The following FBF1 variants were observed in gnomAD, a reference collection of about 807,000 sequenced individuals.
FBF1 encodes Fas binding factor 1.
A neutral mutation model predicts 147.2 loss-of-function variants in FBF1; 119 were observed. The observed-to-expected ratio is 0.81, with a 90% CI of 0.70 to 0.94. FBF1 has a LOEUF of 0.94. Among genes scored for constraint, FBF1 ranks in the 40% least tolerant of loss-of-function variants. The pLI is 0.00. For missense variants in FBF1, 1,449 were observed against 1,500.8 expected, an observed-to-expected ratio of 0.97 and a Z score of 0.57; for synonymous variants, 601 against 609.0, an observed-to-expected ratio of 0.99 and a Z score of 0.19.
chr17:75,929,945 A>ACCACC, intron 7 of FBF1, 52 bp downstream of exon 7: 5 of 650,910 alleles, frequency 7.7e-6, no homozygotes, highest in Non-Finnish European at 1.4e-5. Context: ...AAATATCATG[A>ACCACC]CCCCACCCCA....
rs577764851 is a variant in FBF1 at position 75,921,335 on chromosome 17, G to A, written c.1616-33C>T. On this transcript the variant is annotated intron_variant, in intron 16 of 29. Coordinates refer to ENST00000636174, the MANE Select transcript of FBF1 (RefSeq NM_001319193.2). Reference sequence around the variant, plus strand: ...ATCAACAACAGAGAAATGAACAGGAGGCCCAGGGCACTGGGCCTGCGAGTG... The same window carrying A: ...ATCAACAACAGAGAAATGAACAGGAAGCCCAGGGCACTGGGCCTGCGAGTG... 1.9e-6 allele frequency: 3 copies of A among 1,573,472 alleles called. No homozygotes were observed. In the Admixed American group the frequency reaches 5.6e-5, roughly 30 times the overall value.
At chr17:75,931,968 G>A (rs1228201976) in intron 5 of FBF1, among the ~76,000 whole-genome samples, 2 of 152,174 alleles carry the variant, frequency 1.3e-5, no homozygotes, top group Non-Finnish European at 2.9e-5. Flanking sequence ...AAGAAAATGA[G>A]GGCTCAGAGA....
At chr17:75,935,973 C>T (rs1374062811) in intron 3 of FBF1, among the ~76,000 whole-genome samples, 4 of 150,138 alleles carry the variant, frequency 2.7e-5, no homozygotes, top group Non-Finnish European at 5.9e-5. Context: ...GTCAGGAGTT[C>T]GAGACCAGCC....
intron 13 of FBF1, among the ~76,000 whole-genome samples, chr17:75,924,452 G>A (rs938524628): frequency 3.2e-4 from 49 of 152,194 alleles, no homozygotes; most frequent in African/African-American, 1.2e-3. Context: ...GATGAGAGGG[G>A]CTCCTGGTGC....
chr17:75,935,667 A>G lies in FBF1; in HGVS notation c.38T>C (p.Ile13Thr). Residue 13 changes from isoleucine (I) to threonine (T), a missense_variant, in exon 4 of 30, where the codon ATT becomes ACT. By Grantham distance (89) the Ile-to-Thr change is moderately conservative. Transcript: ENST00000636174. ...TAGAAGGTCACCAAGAAAATCATCAATGGAGCCTGGAACAGAAAAGGGACT... is the reference window on the plus strand; with the variant it reads ...TAGAAGGTCACCAAGAAAATCATCAGTGGAGCCTGGAACAGAAAAGGGACT... ...PKTKKGCKGS[I>T]DDFLGDLLGD... is the part of the protein sequence containing the mutation. 5.9e-6 allele frequency: 9 copies of G among 1,537,024 alleles called. No homozygotes were observed. Among genetic ancestry groups the G allele is most frequent in the Non-Finnish European group, 7.8e-6 (9 of 1,146,814 alleles).
At chr17:75,931,147 C>T (rs1383942528) in intron 6 of FBF1, 82 bp downstream of exon 6, 17 of 1,441,774 alleles carry the variant, frequency 1.2e-5, no homozygotes, top group Admixed American at 6.0e-5. Flanking sequence ...TAAACCCTTC[C>T]GTGGGCAGCC....
Position 75,914,287 on chromosome 17 carries a change from C to T in FBF1, c.2826G>A (p.Glu942=). ...GGAGCTCGCTGGCCCTGATCTTCAG[C>T]TCAGCCTGCTCCTGGAGACAGCGGA... The part of the protein sequence containing the change: ...TLISLAKEQA[E]LKIRASELRA... Residue 942 remains glutamate (E), a synonymous_variant, in exon 26 of 30, where the codon GAG becomes GAA. Coordinates refer to ENST00000636174, the MANE Select transcript of FBF1 (RefSeq NM_001319193.2). 5 of 1,591,118 alleles carry T rather than the reference C, an allele frequency of 3.1e-6. No individual in the cohort carries two copies. The highest frequency in any genetic ancestry group is 4.3e-6 in the Non-Finnish European group (5 of 1,173,458).
At chr17:75,916,701 G>A (rs1230285168) in intron 23 of FBF1, among the ~76,000 whole-genome samples, 1 of 152,216 alleles carries the variant, frequency 6.6e-6, no homozygotes, top group African/African-American at 2.4e-5. Context: ...GGACAAGGAA[G>A]GCTTTGTGGA....
intron 15 of FBF1, among the ~76,000 whole-genome samples, 181 bp from the exon 16 acceptor site, chr17:75,921,741 C>A: frequency 9.5e-6 from 1 of 105,098 alleles, no homozygotes; most frequent in Admixed American, 1.1e-4. Context: ...GCAGGGTGGG[C>A]AGCCTCTAGG....
chr17:75,931,084 G>C, intron 6 of FBF1, 145 bp downstream of exon 6: 1 of 778,576 alleles, frequency 1.3e-6, no homozygotes, highest in Non-Finnish European at 2.1e-6. Context: ...AACAGAGGGA[G>C]ACTCCATCTC....
In FBF1 at chr17:75,909,850, G is replaced by T; in HGVS notation, c.*873C>A. The T allele has an allele frequency of 1.4e-6, 1 of 694,150 alleles. No individual in the cohort carries two copies. The highest frequency in any genetic ancestry group is 1.5e-5 in the South Asian group (1 of 66,896). 43.0% of individuals were successfully genotyped at this position (694,150 alleles called of 1,614,324 possible). A position where few individuals can be genotyped will look rare whatever the true frequency, so the allele number is the denominator to read the frequency against. Reference sequence around the variant, plus strand: ...ATAAGTATAAACTCCGATGAGCCATGGCAAAAGCAGTTTTTTTAAGCTTAG... The same window carrying T: ...ATAAGTATAAACTCCGATGAGCCATTGCAAAAGCAGTTTTTTTAAGCTTAG... On this transcript the variant is annotated 3_prime_UTR_variant, in exon 30 of 30. Coordinates refer to ENST00000636174, the MANE Select transcript of FBF1 (RefSeq NM_001319193.2).
rs371937178 is a variant in FBF1 at position 75,914,710 on chromosome 17, C to G, written c.2814+37G>C. The G allele has an allele frequency of 2.7e-6, 4 of 1,503,256 alleles. No individual in the cohort carries two copies. The African/African-American group carries it at 5.6e-5, about 21-fold the overall frequency. 93.1% of individuals were successfully genotyped at this position (1,503,256 alleles called of 1,614,324 possible). The stretch of plus-strand genomic sequence containing the variant: ...GTCCAGATGGAGGGGCGCAGGCAAC[C>G]CTGGGCCCTCCACTGTCCGGAGGCT... On this transcript the variant is annotated intron_variant, in intron 25 of 29. Coordinates refer to ENST00000636174, the MANE Select transcript of FBF1 (RefSeq NM_001319193.2).
At position 75,933,067 on chromosome 17, in the gene FBF1, ACAGGCTTCT is replaced by A. The variant is rs1334033779; in HGVS notation, c.86_94del (p.Glu29_Pro31del). The A allele has an allele frequency of 1.9e-6, 3 of 1,606,274 alleles. No individual in the cohort carries two copies. The highest frequency in any genetic ancestry group is 2.6e-6 in the Non-Finnish European group (3 of 1,173,642). Reference sequence around the variant, plus strand: ...GTCTCTGGTATGTGAAGCTAGTTTAACAGGCTTCTCAGGTAGTGTCACTGGAAAAAAAGA... The same window carrying A: ...GTCTCTGGTATGTGAAGCTAGTTTAACAGGTAGTGTCACTGGAAAAAAAGA... On this transcript the variant is annotated inframe_deletion, in exon 5 of 30. Transcript: ENST00000636174.
chr17:75,929,202 G>A (rs541522618), intron 7 of FBF1, among the ~76,000 whole-genome samples: 5 of 152,178 alleles, frequency 3.3e-5, no homozygotes, highest in Non-Finnish European at 5.9e-5. Context: ...CGGGTGTGGT[G>A]CCTCATGCCT....
rs149584434 is a variant in FBF1 at position 75,918,146 on chromosome 17, G to A, written c.2246+16C>T. ...CCCCCAACGTCAGGCGGGCATGGTT[G>A]GGGCAGCGCACATACCGCGTGTGGG... On this transcript the variant is annotated intron_variant, in intron 21 of 29. Transcript: ENST00000636174. This position sits in a 1 kb window ranked among gnomAD's most constrained non-coding sequence, Gnocchi z 5.8. 15 of 1,612,308 alleles carry A rather than the reference G, an allele frequency of 9.3e-6. No homozygotes were observed. In the African/African-American group the frequency reaches 2.0e-4, roughly 21 times the overall value.
intron 10 of FBF1, 73 bp from the exon 11 acceptor site, chr17:75,926,499 G>A: frequency 4.1e-6 from 6 of 1,470,442 alleles, no homozygotes; most frequent in Middle Eastern, 2.1e-4. Flanking sequence ...GGGGTTGGGG[G>A]TGGTTTCTCT....
chr17:75,917,423 AG>A (rs1599482587), intron 23 of FBF1, among the ~76,000 whole-genome samples: 1 of 152,258 alleles, frequency 6.6e-6, no homozygotes, highest in Non-Finnish European at 1.5e-5. Context: ...TTCGAGTGTC[AG>A]GAAGTGGGAA....
At position 75,926,140 on chromosome 17, in the gene FBF1, G is replaced by A. The variant is rs148078521; in HGVS notation, c.758C>T (p.Ser253Phe). 820 of 1,609,894 alleles carry A rather than the reference G, an allele frequency of 5.1e-4. 7 individuals carry two copies. In the African/African-American group the frequency reaches 9.5e-3, roughly 19 times the overall value. ...GDQEGPRPARSTLDELLGRGM... is the reference protein window; with the variant it reads ...GDQEGPRPARFTLDELLGRGM... ...TCGACCCAGCAGCTCATCCAGCGTGGAGCGAGCAGGGCGAGGCCCTTCCCT... is the reference window on the plus strand; with the variant it reads ...TCGACCCAGCAGCTCATCCAGCGTGAAGCGAGCAGGGCGAGGCCCTTCCCT... Residue 253 changes from serine to phenylalanine, a missense_variant, in exon 12 of 30, where the codon TCC (serine) becomes TTC (phenylalanine). Transcript: ENST00000636174.
chr17:75,912,212 G>C lies in FBF1; in HGVS notation c.3343C>G (p.Leu1115Val). 3 of 1,609,714 alleles carry C rather than the reference G, an allele frequency of 1.9e-6. No homozygotes were observed. Among genetic ancestry groups the C allele is most frequent in the Non-Finnish European group, 2.5e-6 (3 of 1,178,644 alleles). The change falls in exon 29 of 30, where the codon CTG becomes GTG. Residue 1115 changes from leucine to valine, a missense_variant. By Grantham distance (32) the Leu-to-Val change is conservative (BLOSUM62 1). Transcript: ENST00000636174. ...PLHLHARLAL[L>V]RHMAEQDRDF... ...CTCACCTGCTCTGCCATGTGCCTCA[G>C]CAGTGCCAGCCTGGCATGGAGGTGC...
Sources: allele counts gnomAD v4.1 joint callset (sites outside exome capture counted in the v4.1 genomes callset), GRCh38; gene constraint gnomAD v4.1.1; non-coding constraint Gnocchi (gnomAD v3.1); transcripts MANE v1.5; gene names NCBI Gene and HGNC (gene_info 2026-07-23, HGNC 2026-07-21).